Variants in SKIC3 observed in about 807,000 individuals in gnomAD.
SKIC3 encodes SKI3 subunit of superkiller complex, also known as superkiller complex protein 3.
the SKIC3 span, chr5:95,509,503 G>A: frequency 1.9e-5 from 19 of 976,112 alleles, no homozygotes; most frequent in South Asian, 2.7e-5. Context: ...GGCTTCACCC[G>A]GTTCTCCCAA....
At chr5:95,531,504 C>G in the SKIC3 span, among the ~76,000 whole-genome samples, 2 of 152,120 alleles carry the variant, frequency 1.3e-5, no homozygotes, top group Admixed American at 6.5e-5. Flanking sequence ...ATGTCTAGTT[C>G]CATACACCCT....
chr5:95,541,326 G>A, the SKIC3 span: 8 of 1,613,506 alleles, frequency 5.0e-6, no homozygotes, highest in South Asian at 6.6e-5. Context: ...TCTTTTCTTG[G>A]TAATATAGAT....
chr5:95,466,668 T>C, the SKIC3 span, among the ~76,000 whole-genome samples: 4 of 152,246 alleles, frequency 2.6e-5, no homozygotes, highest in Admixed American at 1.3e-4. Flanking sequence ...AATTCATGCA[T>C]GGACATTCTC....
At chr5:95,476,057 T>C in the SKIC3 span, among the ~76,000 whole-genome samples, 1 of 152,370 alleles carries the variant, frequency 6.6e-6, no homozygotes, top group South Asian at 2.1e-4. Flanking sequence ...GGTCCCCTTG[T>C]GCAGGGACTA....
At chr5:95,519,509 T>C in the SKIC3 span, among the ~76,000 whole-genome samples, 2 of 151,950 alleles carry the variant, frequency 1.3e-5, no homozygotes, top group Non-Finnish European at 2.9e-5. Context: ...TGGAGTTCCT[T>C]TGCCTAAATA....
chr5:95,543,420 A>T, the SKIC3 span: 15 of 1,403,654 alleles, frequency 1.1e-5, no homozygotes, highest in African/African-American at 2.1e-4. Context: ...CAGGAAATCT[A>T]TATCTACCAC....
the SKIC3 span, chr5:95,520,609 A>C: frequency 2.4e-6 from 2 of 843,488 alleles, no homozygotes; most frequent in South Asian, 3.6e-5. Flanking sequence ...TATGTTTGAC[A>C]TTCTGAGCAA....
chr5:95,527,766 C>T, the SKIC3 span, among the ~76,000 whole-genome samples: 21 of 152,142 alleles, frequency 1.4e-4, no homozygotes, highest in African/African-American at 4.8e-4. Flanking sequence ...AAGGAAGAAA[C>T]GAGAATGAAG....
the SKIC3 span, among the ~76,000 whole-genome samples, chr5:95,553,280 G>A: frequency 6.6e-6 from 1 of 152,220 alleles, no homozygotes; most frequent in Admixed American, 6.5e-5. Context: ...CCTGTCATCA[G>A]AGTACATGTC....
the SKIC3 span, among the ~76,000 whole-genome samples, chr5:95,524,892 T>A: frequency 6.6e-6 from 1 of 152,116 alleles, no homozygotes; most frequent in Non-Finnish European, 1.5e-5. Flanking sequence ...GATTTTTTTT[T>A]TTATTTTTTG....
At chr5:95,519,555 G>A in the SKIC3 span, among the ~76,000 whole-genome samples, 1 of 151,918 alleles carries the variant, frequency 6.6e-6, no homozygotes, top group African/African-American at 2.4e-5. Flanking sequence ...AGCAAAAAAT[G>A]AGAAGAGAGG....
At chr5:95,540,794 GC>G in the SKIC3 span, 1 of 1,614,016 alleles carries the variant, frequency 6.2e-7, no homozygotes, top group Non-Finnish European at 8.5e-7. Flanking sequence ...CCTTGTTCCT[GC>G]CGTGTTTTTA....
chr5:95,516,477 T>C, the SKIC3 span: 7 of 1,611,722 alleles, frequency 4.3e-6, no homozygotes, highest in African/African-American at 1.3e-5. Flanking sequence ...AGAAAATTAG[T>C]AATACTAAAT....
the SKIC3 span, among the ~76,000 whole-genome samples, chr5:95,479,394 A>G: frequency 1.3e-5 from 2 of 152,114 alleles, no homozygotes; most frequent in Admixed American, 6.6e-5. Context: ...ATTGTCCCCA[A>G]ATTAAACTGT....
At chr5:95,514,803 T>A in the SKIC3 span, 4 of 1,569,880 alleles carry the variant, frequency 2.5e-6, no homozygotes, top group Non-Finnish European at 3.5e-6. Flanking sequence ...TGCATATTAG[T>A]CAGTTATTGA....
the SKIC3 span, among the ~76,000 whole-genome samples, chr5:95,532,160 G>A: frequency 6.6e-6 from 1 of 152,062 alleles, no homozygotes; most frequent in Non-Finnish European, 1.5e-5. Flanking sequence ...GATGAAAATA[G>A]TTAAGAAAAA....
At chr5:95,540,797 G>C in the SKIC3 span, 1 of 1,613,994 alleles carries the variant, frequency 6.2e-7, no homozygotes, top group Non-Finnish European at 8.5e-7. Context: ...TGTTCCTGCC[G>C]TGTTTTTATC....
the SKIC3 span, chr5:95,478,221 A>C: frequency 6.4e-7 from 1 of 1,559,208 alleles, no homozygotes; most frequent in Admixed American, 1.7e-5. Context: ...TTACTATGTA[A>C]AAAGCCTTCA....
the SKIC3 span, chr5:95,516,272 A>G: frequency 7.4e-6 from 11 of 1,477,708 alleles, no homozygotes; most frequent in East Asian, 2.5e-4. Flanking sequence ...ACATTTCTCC[A>G]CAAGAAGCTG....
Sources: allele counts gnomAD v4.1 joint callset (sites outside exome capture counted in the v4.1 genomes callset), GRCh38; gene constraint gnomAD v4.1.1; transcripts MANE v1.5; gene names NCBI Gene and HGNC (gene_info 2026-07-23, HGNC 2026-07-21).